The following GOLGB1 variants were observed in gnomAD, a reference collection of about 807,000 sequenced individuals.
GOLGB1 encodes the protein golgin subfamily B member 1.
In GOLGB1, 174 loss-of-function variants were observed where a neutral mutation model predicts 336.9. The ratio of observed to expected loss-of-function variants is 0.52; its 90% confidence interval spans 0.46 to 0.59. The LOEUF (loss-of-function observed/expected upper bound fraction) is 0.59, where lower values mean the gene tolerates loss of function less well. Ranked by LOEUF, GOLGB1 falls within the 20% of genes least tolerant of loss-of-function variation. The pLI, the probability that GOLGB1 is intolerant of heterozygous loss-of-function variation, is 0.00. For synonymous variants in GOLGB1, 1,208 were observed against 1,289.2 expected, an observed-to-expected ratio of 0.94 and a Z score of 1.35; for missense variants, 3,331 against 3,645.3, an observed-to-expected ratio of 0.91 and a Z score of 2.22.
intron 1 of GOLGB1, among the ~76,000 whole-genome samples, chr3:121,740,152 G>T (rs1946752919): frequency 6.6e-6 from 1 of 152,054 alleles, no homozygotes; most frequent in African/African-American, 2.4e-5. Flanking sequence ...TGTGGCAGTG[G>T]ATACAGGAAC....
chr3:121,713,211 T>C (rs985268884), intron 10 of GOLGB1, among the ~76,000 whole-genome samples: 1 of 152,090 alleles, frequency 6.6e-6, no homozygotes, highest in African/African-American at 2.4e-5. Flanking sequence ...GGCAGTTCCT[T>C]ATAAAGCTAA....
chr3:121,724,029 T>C (rs1235613523), intron 5 of GOLGB1, among the ~76,000 whole-genome samples: 1 of 152,180 alleles, frequency 6.6e-6, no homozygotes, highest in African/African-American at 2.4e-5. Context: ...CAGTTTCAGG[T>C]ATTCTGTTAC....
chr3:121,672,333 G>A (rs1023890390), intron 17 of GOLGB1, among the ~76,000 whole-genome samples: 1 of 152,182 alleles, frequency 6.6e-6, no homozygotes, highest in Admixed American at 6.5e-5. Context: ...CAGCAAAGGT[G>A]AGATGACATC....
chr3:121,695,774 A>T lies in GOLGB1; in HGVS notation c.4749T>A (p.Gly1583=), dbSNP rs1277943032. ...SCESLKLALE[G]LTEDKEKLVK... ...CTAACTTTTCCTTGTCTTCAGTAAG[A>T]CCCTCTAGAGCTAGTTTTAGACTTT... Residue 1583 remains glycine (G), a synonymous_variant, in exon 13 of 22, where the codon GGT becomes GGA. Coordinates refer to ENST00000614479, the MANE Select transcript of GOLGB1 (RefSeq NM_001366282.2). 2 of 1,613,068 alleles carry T rather than the reference A, an allele frequency of 1.2e-6. No individual in the cohort carries two copies. The highest frequency in any genetic ancestry group is 1.3e-5 in the African/African-American group (1 of 75,034).
Position 121,729,109 on chromosome 3 carries a change from T to C in GOLGB1, c.402+79A>G, listed in dbSNP as rs751863271. The C allele has an allele frequency of 6.3e-6, 6 of 952,020 alleles. No individual in the cohort carries two copies. The African/African-American group carries it at 1.0e-4, about 16-fold the overall frequency. 59.0% of individuals were successfully genotyped at this position (952,020 alleles called of 1,614,324 possible). ...TGCTGTATCATTTTAGCATCCTAAA[T>C]GTTTGTGATTGGTGAAGATCTGCTG... is the stretch of plus-strand genomic sequence containing the variant. On this transcript the variant is annotated intron_variant, in intron 4 of 21. Coordinates refer to ENST00000614479, the MANE Select transcript of GOLGB1 (RefSeq NM_001366282.2).
At chr3:121,684,258 C>A (rs1335153538) in intron 14 of GOLGB1, among the ~76,000 whole-genome samples, 5 of 123,768 alleles carry the variant, frequency 4.0e-5, no homozygotes, top group African/African-American at 9.2e-5. Flanking sequence ...GCAAGAAAAT[C>A]TTCCAGAAAT....
chr3:121,718,309 C>T (rs1944926291), intron 8 of GOLGB1, 79 bp downstream of exon 8: 1 of 833,274 alleles, frequency 1.2e-6, no homozygotes, highest in Middle Eastern at 2.3e-4. Context: ...TTTAAATAGG[C>T]TTTTATATCT....
chr3:121,677,489 T>C, intron 15 of GOLGB1, 39 bp from the exon 16 acceptor site: 2 of 1,426,934 alleles, frequency 1.4e-6, no homozygotes, highest in Non-Finnish European at 2.0e-6. Flanking sequence ...AAAAATATAC[T>C]TGTAACTGGG....
chr3:121,721,722 G>A (rs1258346561), intron 6 of GOLGB1, among the ~76,000 whole-genome samples: 2 of 151,964 alleles, frequency 1.3e-5, no homozygotes, highest in African/African-American at 4.8e-5. Flanking sequence ...GTCTGGTCTT[G>A]ACAGATGAAA....
chr3:121,723,568 T>C (rs1945341058), intron 5 of GOLGB1, among the ~76,000 whole-genome samples: 1 of 152,234 alleles, frequency 6.6e-6, no homozygotes, highest in Non-Finnish European at 1.5e-5. Context: ...GTATAGTTGG[T>C]TCCTTTTCAC....
chr3:121,697,861 G>A lies in GOLGB1; in HGVS notation c.2662C>T (p.Leu888=). 2.5e-6 allele frequency: 4 copies of A among 1,614,008 alleles called. No individual in the cohort carries two copies. The highest frequency in any genetic ancestry group is 3.4e-6 in the Non-Finnish European group (4 of 1,179,932). The change falls in exon 13 of 22, where the codon CTA becomes TTA. Residue 888 remains leucine (L), a synonymous_variant. Transcript: ENST00000614479. ...GTTTCCACATCTCTCTTTTTCTCTA[G>A]TAAGAGCTGATCCATTTTTGTTATT... ...LEITKMDQLL[L]EKKRDVETLQ...
intron 17 of GOLGB1, among the ~76,000 whole-genome samples, chr3:121,676,668 T>A (rs932831742): frequency 6.6e-6 from 1 of 152,152 alleles, no homozygotes; most frequent in Admixed American, 6.5e-5. Flanking sequence ...ACTTTTACTG[T>A]CTGGATTTAT....
At position 121,696,444 on chromosome 3, in the gene GOLGB1, C is replaced by G. The variant is rs139168908; in HGVS notation, c.4079G>C (p.Ser1360Thr). Residue 1360 changes from serine to threonine, a missense_variant, in exon 13 of 22, where the codon AGT (serine) becomes ACT (threonine). Transcript: ENST00000614479. Reference sequence around the variant, plus strand: ...AGCTTCATGGGATACTGTCTTTAGACTCTCGATTTCTAAACCCTGTTTATT... The same window carrying G: ...AGCTTCATGGGATACTGTCTTTAGAGTCTCGATTTCTAAACCCTGTTTATT... Reference protein sequence around the residue: ...QINKQGLEIESLKTVSHEAEV... With the variant: ...QINKQGLEIETLKTVSHEAEV... 6.2e-7 allele frequency: 1 copy of G among 1,614,052 alleles called. No homozygotes were observed. The highest frequency in any genetic ancestry group is 8.5e-7 in the Non-Finnish European group (1 of 1,179,994).
intron 10 of GOLGB1, among the ~76,000 whole-genome samples, chr3:121,713,559 G>A (rs1337827345): frequency 6.6e-6 from 1 of 152,204 alleles, no homozygotes; most frequent in Non-Finnish European, 1.5e-5. Context: ...ATATGATGCT[G>A]TGAAACAGGC....
At chr3:121,748,786 C>T (rs1282670401) in intron 1 of GOLGB1, 6 of 980,318 alleles carry the variant, frequency 6.1e-6, no homozygotes, top group Non-Finnish European at 7.3e-6. Context: ...AGTACTTACC[C>T]ATGATTGTAA....
chr3:121,738,982 G>C (rs1946670647), intron 1 of GOLGB1, among the ~76,000 whole-genome samples: 1 of 152,088 alleles, frequency 6.6e-6, no homozygotes, highest in South Asian at 2.1e-4. Flanking sequence ...AACTACTGAG[G>C]CCAGGCGTGC....
At chr3:121,719,355 A>C (rs546008134) in intron 7 of GOLGB1, among the ~76,000 whole-genome samples, 9 of 152,352 alleles carry the variant, frequency 5.9e-5, no homozygotes, top group African/African-American at 2.2e-4. Flanking sequence ...GTAATGCACA[A>C]AGGTAGCTAT....
At chr3:121,729,382 C>A in intron 3 of GOLGB1, 42 bp from the exon 4 acceptor site, 1 of 1,478,772 alleles carries the variant, frequency 6.8e-7, no homozygotes, top group South Asian at 1.2e-5. Context: ...ATGTTTATTC[C>A]CCTCTTATCT....
chr3:121,679,268 AT>A (rs1170978729), intron 15 of GOLGB1, among the ~76,000 whole-genome samples: 52 of 152,188 alleles, frequency 3.4e-4, no homozygotes, highest in Non-Finnish European at 4.4e-5. Context: ...AAAATCCGCA[AT>A]CCAAAACACT....
Sources: gnomAD v4.1 joint callset for allele counts (sites outside exome capture counted in the v4.1 genomes callset) on GRCh38, gnomAD v4.1.1 for gene constraint, MANE v1.5 for transcripts, NCBI Gene and HGNC (gene_info 2026-07-23, HGNC 2026-07-21) for gene names.